Variants in PDE6A observed in about 807,000 individuals in gnomAD.
The protein encoded by PDE6A is rod cGMP-specific 3',5'-cyclic phosphodiesterase subunit alpha.
Under a neutral mutation model 106.3 loss-of-function variants are expected in PDE6A, and 84 were observed. The ratio of observed to expected loss-of-function variants is 0.79; its 90% CI spans 0.66 to 0.95. PDE6A has a LOEUF of 0.95. Among genes scored for constraint, PDE6A ranks in the 40% least tolerant of loss-of-function variants. PDE6A has a pLI of 0.00. For synonymous variants in PDE6A, 394 were observed against 386.6 expected, an observed-to-expected ratio of 1.02 and a Z score of -0.23; for missense variants, 1,052 against 1,084.9, an observed-to-expected ratio of 0.97 and a Z score of 0.43.
chr5:149,879,802 CATTTCCTTAATTCTTCCAT>C (rs1169150267), intron 17 of PDE6A, among the ~76,000 whole-genome samples: 1 of 152,072 alleles, frequency 6.6e-6, no homozygotes, highest in East Asian at 1.9e-4. Context: ...ATATGTGCCA[CATTTCCTTAATTCTTCCAT>C]GCTTTTTTCG....
intron 8 of PDE6A, among the ~76,000 whole-genome samples, chr5:149,903,136 G>T (rs1354316373): frequency 8.8e-6 from 1 of 113,870 alleles, no homozygotes; most frequent in African/African-American, 3.4e-5. Flanking sequence ...GCAACAGAGT[G>T]AGACCCTCTC....
chr5:149,939,583 G>A (rs1754273721), intron 1 of PDE6A, among the ~76,000 whole-genome samples: 1 of 152,166 alleles, frequency 6.6e-6, no homozygotes, highest in Non-Finnish European at 1.5e-5. Context: ...CTGCCAATAG[G>A]AGCCATTACG....
chr5:149,923,556 AACATAACATAACATAACATAACAAAC>A (rs1481841394), intron 4 of PDE6A, among the ~76,000 whole-genome samples: 3 of 117,394 alleles, frequency 2.6e-5, no homozygotes, highest in African/African-American at 1.5e-4. Context: ...AACATAACAT[AACATAACATAACATAACATAACAAAC>A]AACAACACTA....
intron 20 of PDE6A, among the ~76,000 whole-genome samples, chr5:149,865,618 T>C (rs1760303453): frequency 6.6e-6 from 1 of 152,220 alleles, no homozygotes; most frequent in Admixed American, 6.5e-5. Context: ...TAAAGAGAAC[T>C]GGGCTAAATC....
chr5:149,901,398 C>T (rs1057317283), intron 8 of PDE6A, among the ~76,000 whole-genome samples: 4 of 152,060 alleles, frequency 2.6e-5, no homozygotes, highest in African/African-American at 9.7e-5. Context: ...AATGGGGGCG[C>T]ATGCCTGTAA....
intron 3 of PDE6A, chr5:149,932,555 C>G (rs529370609): frequency 6.9e-7 from 1 of 1,445,206 alleles, no homozygotes; most frequent in Non-Finnish European, 9.7e-7. Context: ...TTTGGAATCC[C>G]TGTTCCAGGT....
chr5:149,862,921 T>C (rs1228745077), intron 21 of PDE6A, among the ~76,000 whole-genome samples, 198 bp downstream of exon 21: 1 of 152,180 alleles, frequency 6.6e-6, no homozygotes, highest in African/African-American at 2.4e-5. Flanking sequence ...TCAGCCTCAA[T>C]CTTGGGAACC....
rs1162999927 is a variant in PDE6A, at chr5:149,886,295, T to A, written c.1808A>T (p.His603Leu). Reference sequence around the variant, plus strand: ...CTGGTAGAGGTTATTGGTGCCTCTGTGGTCAATGTCATGGCAGAAAGCAGC... The same window carrying A: ...CTGGTAGAGGTTATTGGTGCCTCTGAGGTCAATGTCATGGCAGAAAGCAGC... The part of the protein sequence containing the change: ...VTAAFCHDID[H>L]RGTNNLYQMK... Residue 603 changes from histidine to leucine, a missense_variant, in exon 14 of 22, where the codon CAC (histidine) becomes CTC (leucine). Physicochemically the swap from His to Leu is moderately conservative, Grantham distance 99. This residue lies in a region of PDE6A where 913 missense variants were observed against 915.2 expected (regional missense o/e 1.00). Transcript: ENST00000255266. 1 of 1,614,000 alleles carries A rather than the reference T, an allele frequency of 6.2e-7. No individual in the cohort carries two copies. Among genetic ancestry groups the A allele is most frequent in the East Asian group, 2.2e-5 (1 of 44,880 alleles).
At chr5:149,889,468 A>T (rs1752459345) in intron 13 of PDE6A, among the ~76,000 whole-genome samples, 1 of 151,986 alleles carries the variant, frequency 6.6e-6, no homozygotes, top group African/African-American at 2.4e-5. Context: ...TTTGAGACAG[A>T]GTCTCGCTCT....
chr5:149,922,098 A>T (rs1581202490), intron 4 of PDE6A, among the ~76,000 whole-genome samples: 1 of 152,152 alleles, frequency 6.6e-6, no homozygotes, highest in African/African-American at 2.4e-5. Flanking sequence ...AAAATTAGAG[A>T]CAATATAAGT....
intron 7 of PDE6A, among the ~76,000 whole-genome samples, chr5:149,905,845 A>G (rs1753160308): frequency 6.6e-6 from 1 of 152,076 alleles, no homozygotes; most frequent in Admixed American, 6.6e-5. Flanking sequence ...TGCTAGAGTT[A>G]TCTTTCTTTT....
rs1752221570 is a variant in PDE6A at position 149,884,816 on chromosome 5, G to T, written c.1890C>A (p.His630Gln). 2 of 1,614,182 alleles carry T rather than the reference G, an allele frequency of 1.2e-6. No homozygotes were observed. The highest frequency in any genetic ancestry group is 1.7e-6 in the Non-Finnish European group (2 of 1,180,022). ...KLHGSSILER[H>Q]HLEFGKTLLR... ...GCAGTGTTTTGCCAAACTCCAAGTG[G>T]TGTCTTTCCAAGATAGAGGACCCAT... is the stretch of plus-strand genomic sequence containing the variant. Residue 630 changes from histidine to glutamine, a missense_variant, in exon 15 of 22, where the codon CAC becomes CAA. Coordinates refer to ENST00000255266, the MANE Select transcript of PDE6A (RefSeq NM_000440.3).
intron 5 of PDE6A, among the ~76,000 whole-genome samples, chr5:149,918,527 A>C (rs1753619699): frequency 6.6e-6 from 1 of 152,228 alleles, no homozygotes. Flanking sequence ...TTTCGTATGG[A>C]GTGAACTTTT....
At chr5:149,896,575 GT>G in intron 11 of PDE6A, 73 bp from the exon 12 acceptor site, 1 of 1,613,840 alleles carries the variant, frequency 6.2e-7, no homozygotes, top group Non-Finnish European at 8.5e-7. Flanking sequence ...GTCCAGCCCT[GT>G]CCCCATCCTG....
intron 5 of PDE6A, among the ~76,000 whole-genome samples, chr5:149,918,851 G>A (rs1486860353): frequency 1.3e-5 from 2 of 151,898 alleles, no homozygotes; most frequent in East Asian, 3.9e-4. Flanking sequence ...TTGAACTCCT[G>A]GCCTTAAGTG....
At chr5:149,911,326 T>C (rs10061103) in intron 6 of PDE6A, among the ~76,000 whole-genome samples, 18,056 of 152,188 alleles carry the variant, frequency 0.12, 1,109 homozygotes, top group South Asian at 0.2. Context: ...ACAAGAAAAG[T>C]AGCTTTAAAA....
At chr5:149,924,921 G>A (rs918483464) in intron 4 of PDE6A, among the ~76,000 whole-genome samples, 1 of 152,168 alleles carries the variant, frequency 6.6e-6, no homozygotes, top group Non-Finnish European at 1.5e-5. Flanking sequence ...TGCCAAGGAG[G>A]AGAGACCCTT....
intron 6 of PDE6A, 108 bp downstream of exon 6, chr5:149,914,835 T>C (rs780695057): frequency 1.4e-5 from 11 of 796,828 alleles, no homozygotes; most frequent in East Asian, 2.4e-5. Context: ...AGAACACTTA[T>C]GTATTTTATG....
intron 21 of PDE6A, among the ~76,000 whole-genome samples, chr5:149,862,115 G>A (rs892301823): frequency 6.6e-6 from 1 of 152,162 alleles, no homozygotes; most frequent in Non-Finnish European, 1.5e-5. Flanking sequence ...AGAGGGATGG[G>A]TGTGCAAAGG....
Sources: allele counts gnomAD v4.1 joint callset (sites outside exome capture counted in the v4.1 genomes callset), GRCh38; gene constraint gnomAD v4.1.1; regional missense constraint gnomAD v4.1.1; transcripts MANE v1.5; gene names NCBI Gene and HGNC (gene_info 2026-07-23, HGNC 2026-07-21).